The following SDK1 variants were observed in gnomAD, a reference collection of about 807,000 sequenced individuals.
SDK1 encodes the protein sidekick cell adhesion molecule 1, also known as protein sidekick-1.
SDK1 carries 157 observed loss-of-function variants against 245.5 expected under a neutral mutation model. The observed-to-expected ratio is 0.64, with a 90% CI of 0.56 to 0.73. The LOEUF is 0.73. Among genes scored for constraint, SDK1 ranks in the 30% least tolerant of loss-of-function variants. The pLI, the probability that SDK1 is intolerant of heterozygous loss-of-function variation, is 0.00. For synonymous variants in SDK1, 1,647 were observed against 1,278.5 expected, an observed-to-expected ratio of 1.29 and a Z score of -6.15; for missense variants, 3,583 against 3,002.3, an observed-to-expected ratio of 1.19 and a Z score of -4.52.
chr7:3,858,923 C>T (rs758654807), intron 5 of SDK1, among the ~76,000 whole-genome samples: 18 of 145,128 alleles, frequency 1.2e-4, no homozygotes, highest in Non-Finnish European at 2.1e-4. Context: ...AGTGCAGTGG[C>T]GTGATCTCGG....
intron 4 of SDK1, among the ~76,000 whole-genome samples, chr7:3,696,640 A>G (rs943787263): frequency 5.9e-5 from 9 of 151,512 alleles, no homozygotes; most frequent in African/African-American, 2.2e-4. Context: ...AGCAGCAATA[A>G]TTGTATCTTA....
At chr7:3,512,139 T>C (rs1782601315) in intron 1 of SDK1, among the ~76,000 whole-genome samples, 1 of 152,100 alleles carries the variant, frequency 6.6e-6, no homozygotes, top group South Asian at 2.1e-4. Flanking sequence ...CTCTAACCCC[T>C]GGCAACCACA....
intron 30 of SDK1, among the ~76,000 whole-genome samples, chr7:4,153,700 T>C (rs1250093267): frequency 1.3e-5 from 2 of 152,182 alleles, no homozygotes; most frequent in African/African-American, 2.4e-5. Flanking sequence ...GGTTGTTTTA[T>C]TTGTTTTTGT....
intron 13 of SDK1, among the ~76,000 whole-genome samples, chr7:3,977,375 C>CTGAGGGTCCCGGGGCTGAGGCTGCCACAG (rs1783027093): frequency 1.9e-5 from 2 of 105,660 alleles, no homozygotes; most frequent in Non-Finnish European, 4.6e-5. Flanking sequence ...GGCTGCCACA[C>CTGAGGGTCCCGGGGCTGAGGCTGCCACAG]AGACGGTCCT....
chr7:3,713,404 A>G (rs1785105787), intron 4 of SDK1, among the ~76,000 whole-genome samples: 1 of 152,224 alleles, frequency 6.6e-6, no homozygotes, highest in East Asian at 1.9e-4. Flanking sequence ...AAGGACTTCA[A>G]AAAAGAAAGG....
intron 28 of SDK1, among the ~76,000 whole-genome samples, chr7:4,141,608 G>A (rs374696845): frequency 1.3e-5 from 2 of 152,280 alleles, no homozygotes; most frequent in Admixed American, 6.5e-5. Flanking sequence ...TGAATCAAGG[G>A]AACTCAGGTA....
intron 1 of SDK1, among the ~76,000 whole-genome samples, chr7:3,529,683 C>T (rs1583128873): frequency 6.6e-6 from 1 of 152,122 alleles, no homozygotes; most frequent in South Asian, 2.1e-4. Flanking sequence ...TAGACACTAA[C>T]GTTGGTGTGA....
intron 22 of SDK1, among the ~76,000 whole-genome samples, chr7:4,098,774 C>A (rs570467813): frequency 6.6e-6 from 1 of 151,802 alleles, no homozygotes; most frequent in East Asian, 1.9e-4. Context: ...AGCAATTCTC[C>A]CACCTCAGCC....
At position 4,267,697 on chromosome 7, in the gene SDK1, T is replaced by C; in HGVS notation, c.*2313T>C. 3.0e-6 allele frequency: 3 copies of C among 985,480 alleles called. No individual in the cohort carries two copies. The highest frequency in any genetic ancestry group is 3.6e-6 in the Non-Finnish European group (3 of 829,934). 61.0% of individuals were successfully genotyped at this position (985,480 alleles called of 1,614,324 possible). ...GTTGAGGATGAGCAGATTCGAGATA[T>C]GTTTGTTGCTCTCGGGTTTTCGATA... On this transcript the variant is annotated 3_prime_UTR_variant, in exon 45 of 45. Coordinates refer to ENST00000404826, the MANE Select transcript of SDK1 (RefSeq NM_152744.4).
intron 1 of SDK1, among the ~76,000 whole-genome samples, chr7:3,473,471 A>T (rs570784929): frequency 7.5e-4 from 115 of 152,334 alleles, no homozygotes; most frequent in Admixed American, 1.2e-3. Context: ...AGCATTTACA[A>T]AAGTCTAGGC....
intron 4 of SDK1, among the ~76,000 whole-genome samples, chr7:3,687,695 T>C (rs1784329723): frequency 1.3e-5 from 2 of 152,070 alleles, no homozygotes; most frequent in East Asian, 1.9e-4. Context: ...GAGAACAGAC[T>C]AGAAGTCTAC....
intron 1 of SDK1, among the ~76,000 whole-genome samples, chr7:3,536,849 C>A (rs79428564): frequency 0.023 from 3,514 of 152,132 alleles, 146 homozygotes; most frequent in African/African-American, 0.08. Context: ...TGGGAAAAAT[C>A]CATTTTAATA....
intron 1 of SDK1, among the ~76,000 whole-genome samples, chr7:3,404,914 A>G (rs540592618): frequency 2.6e-5 from 4 of 152,198 alleles, no homozygotes; most frequent in Admixed American, 6.5e-5. Context: ...TAATGTTTGT[A>G]TTAAGTAAGT....
chr7:3,374,249 C>A (rs996557411), intron 1 of SDK1, among the ~76,000 whole-genome samples: 1 of 152,094 alleles, frequency 6.6e-6, no homozygotes, highest in Non-Finnish European at 1.5e-5. Context: ...CAATACCACC[C>A]CACTTAACTG....
intron 1 of SDK1, among the ~76,000 whole-genome samples, chr7:3,449,210 G>C (rs1239599838): frequency 6.6e-6 from 1 of 152,176 alleles, no homozygotes; most frequent in Non-Finnish European, 1.5e-5. Flanking sequence ...GTGCCTCAAA[G>C]CTGCACCTAC....
chr7:3,464,597 G>C (rs1780933902), intron 1 of SDK1, among the ~76,000 whole-genome samples: 1 of 151,928 alleles, frequency 6.6e-6, no homozygotes, highest in African/African-American at 2.4e-5. Flanking sequence ...GTTTGTTTTT[G>C]AGAAAAGCTG....
At chr7:3,721,639 G>C (rs936801545) in intron 4 of SDK1, among the ~76,000 whole-genome samples, 10 of 152,104 alleles carry the variant, frequency 6.6e-5, no homozygotes, top group African/African-American at 2.4e-4. Flanking sequence ...GTGGGTGTCT[G>C]GTGTTTCCAA....
intron 4 of SDK1, among the ~76,000 whole-genome samples, chr7:3,801,954 C>G (rs941083360): frequency 1.3e-5 from 2 of 152,228 alleles, no homozygotes; most frequent in Admixed American, 6.5e-5. Context: ...TTTAGACTTT[C>G]TGCTTTCATG....
chr7:3,356,999 G>C lies in SDK1; in HGVS notation c.298+55115G>C, dbSNP rs143283190. Among the ~76,000 whole-genome samples, 1,456 of 147,114 alleles carry C rather than the reference G, an allele frequency of 9.9e-3. 12 individuals carry two copies. Among genetic ancestry groups the C allele is most frequent in the South Asian group, 0.02 (93 of 4,602 alleles). On this transcript the variant is annotated intron_variant, in intron 1 of 44. Transcript: ENST00000404826. ...GAACCTGGGAGGCAGAGGTTGCAGT[G>C]AGCCGAGATAGTGCCACTGCACTCC...
Sources: gnomAD v4.1 joint callset for allele counts (sites outside exome capture counted in the v4.1 genomes callset) on GRCh38, gnomAD v4.1.1 for gene constraint, MANE v1.5 for transcripts, NCBI Gene and HGNC (gene_info 2026-07-23, HGNC 2026-07-21) for gene names.